Variants in CEP112 observed in about 807,000 individuals in gnomAD.
The protein encoded by CEP112 is centrosomal protein 112.
CEP112 carries 127 observed loss-of-function variants against 153.0 expected under a neutral mutation model. The ratio of observed to expected loss-of-function variants is 0.83; its 90% CI spans 0.72 to 0.96. The LOEUF (loss-of-function observed/expected upper bound fraction) is 0.96, where lower values mean the gene tolerates loss of function less well. CEP112 is among the 40% of genes least tolerant of loss of function. The pLI, the probability that CEP112 is intolerant of heterozygous loss-of-function variation, is 0.00. For synonymous variants in CEP112, 358 were observed against 374.4 expected, an observed-to-expected ratio of 0.96 and a Z score of 0.51; for missense variants, 1,089 against 1,101.2, an observed-to-expected ratio of 0.99 and a Z score of 0.16.
At chr17:66,001,813 C>A (rs1044405841) in intron 17 of CEP112, among the ~76,000 whole-genome samples, 8 of 152,270 alleles carry the variant, frequency 5.3e-5, no homozygotes, top group Admixed American at 5.2e-4. Flanking sequence ...TTTATACCAT[C>A]ATTTTCCTTT....
At chr17:66,189,422 T>C (rs537295639) in intron 1 of CEP112, among the ~76,000 whole-genome samples, 23 of 151,720 alleles carry the variant, frequency 1.5e-4, no homozygotes, top group African/African-American at 5.3e-4. Context: ...GAGAATCGCT[T>C]GAACCCGGGA....
intron 21 of CEP112, among the ~76,000 whole-genome samples, chr17:65,800,872 C>T (rs2055229360): frequency 6.6e-6 from 1 of 152,126 alleles, no homozygotes; most frequent in South Asian, 2.1e-4. Flanking sequence ...TGGTGTTGAG[C>T]ATCAGTGGTG....
intron 21 of CEP112, among the ~76,000 whole-genome samples, chr17:65,767,735 T>C (rs1179681271): frequency 6.6e-6 from 1 of 152,080 alleles, no homozygotes; most frequent in Non-Finnish European, 1.5e-5. Flanking sequence ...CATAAGGAAC[T>C]ATTATTAACA....
intron 24 of CEP112, among the ~76,000 whole-genome samples, chr17:65,671,867 A>G (rs931005612): frequency 3.3e-5 from 5 of 152,212 alleles, no homozygotes; most frequent in African/African-American, 1.2e-4. Flanking sequence ...AAACTTAGGA[A>G]TTCTCATTAA....
intron 16 of CEP112, among the ~76,000 whole-genome samples, chr17:66,008,708 C>T: frequency 6.6e-6 from 1 of 152,144 alleles, no homozygotes; most frequent in Non-Finnish European, 1.5e-5. Flanking sequence ...CCCCACCCAG[C>T]CCCTGGTAAC....
At chr17:65,811,885 A>C (rs997301509) in intron 21 of CEP112, among the ~76,000 whole-genome samples, 11 of 152,094 alleles carry the variant, frequency 7.2e-5, no homozygotes, top group African/African-American at 2.7e-4. Context: ...TACAACTCTA[A>C]ATTGAAGTGG....
At chr17:65,826,424 G>A (rs1002630232) in intron 21 of CEP112, 1 of 1,566,686 alleles carries the variant, frequency 6.4e-7, no homozygotes, top group African/African-American at 1.4e-5. Flanking sequence ...ATAGAAAGGT[G>A]ACTTGGGCCC....
intron 18 of CEP112, among the ~76,000 whole-genome samples, chr17:65,956,911 A>G (rs555370673): frequency 1.3e-5 from 2 of 152,302 alleles, no homozygotes; most frequent in African/African-American, 4.8e-5. Flanking sequence ...AACTTTGGAT[A>G]GTAACAAACC....
At chr17:65,970,564 T>G (rs1334091818) in intron 17 of CEP112, among the ~76,000 whole-genome samples, 2 of 152,044 alleles carry the variant, frequency 1.3e-5, no homozygotes, top group African/African-American at 4.8e-5. Flanking sequence ...GTTACCTACA[T>G]CTTACATGCA....
intron 20 of CEP112, among the ~76,000 whole-genome samples, chr17:65,883,834 G>A (rs989499786): frequency 5.3e-5 from 8 of 152,186 alleles, no homozygotes; most frequent in African/African-American, 1.2e-4. Flanking sequence ...CTAGAGGAGT[G>A]GGTGGCAGTG....
chr17:65,716,457 A>G (rs1402027149), intron 23 of CEP112, among the ~76,000 whole-genome samples: 1 of 152,144 alleles, frequency 6.6e-6, no homozygotes, highest in East Asian at 1.9e-4. Flanking sequence ...CACTGTGCCC[A>G]GCCAGCCCTA....
chr17:66,124,627 G>A (rs2146482672), intron 6 of CEP112, among the ~76,000 whole-genome samples: 1 of 152,050 alleles, frequency 6.6e-6, no homozygotes, highest in Admixed American at 6.5e-5. Context: ...AAAAAGATGG[G>A]CTGCTCTGTA....
chr17:65,999,356 A>C (rs1202654726), intron 17 of CEP112, among the ~76,000 whole-genome samples: 2 of 151,914 alleles, frequency 1.3e-5, no homozygotes, highest in East Asian at 3.9e-4. Flanking sequence ...CGCCTGCCAC[A>C]GCACACGGCT....
intron 20 of CEP112, among the ~76,000 whole-genome samples, chr17:65,899,540 AG>A (rs1253814647): frequency 1.3e-5 from 2 of 152,160 alleles, no homozygotes; most frequent in African/African-American, 4.8e-5. Context: ...ATTCACCAAA[AG>A]GGAGTCCCCT....
intron 21 of CEP112, among the ~76,000 whole-genome samples, chr17:65,828,051 C>T (rs2146086978): frequency 6.6e-6 from 1 of 152,272 alleles, no homozygotes; most frequent in East Asian, 1.9e-4. Context: ...TCATGGCTAA[C>T]AATGTATCTC....
chr17:65,871,635 A>AT, intron 20 of CEP112, among the ~76,000 whole-genome samples: 1 of 152,240 alleles, frequency 6.6e-6, no homozygotes, highest in Non-Finnish European at 1.5e-5. Context: ...ACTCCGTCTC[A>AT]ATAAATAAAT....
chr17:65,807,384 T>A (rs867882698), intron 21 of CEP112, among the ~76,000 whole-genome samples: 12 of 152,256 alleles, frequency 7.9e-5, no homozygotes, highest in Admixed American at 4.6e-4. Flanking sequence ...AGCCTGACCA[T>A]GTGGTAGAAA....
chr17:66,045,517 A>T (rs1292578856), intron 12 of CEP112, among the ~76,000 whole-genome samples: 6 of 152,184 alleles, frequency 3.9e-5, no homozygotes, highest in Admixed American at 2.0e-4. Context: ...CATACTCCCT[A>T]AAGCAGTGAT....
At chr17:66,103,296 T>C (rs986515656) in intron 6 of CEP112, among the ~76,000 whole-genome samples, 3 of 151,288 alleles carry the variant, frequency 2.0e-5, no homozygotes, top group Non-Finnish European at 4.4e-5. Flanking sequence ...TACCACCCAC[T>C]ATGAACATGC....
Sources: gnomAD v4.1 joint callset for allele counts (sites outside exome capture counted in the v4.1 genomes callset) on GRCh38, gnomAD v4.1.1 for gene constraint, MANE v1.5 for transcripts, NCBI Gene and HGNC (gene_info 2026-07-23, HGNC 2026-07-21) for gene names.